PDCD6IP: variants seen among roughly 807,000 people sequenced by gnomAD.
PDCD6IP encodes the protein programmed cell death 6-interacting protein.
A neutral mutation model predicts 103.7 loss-of-function variants in PDCD6IP; 43 were observed. The observed-to-expected ratio is 0.41, with a 90% CI of 0.32 to 0.53. PDCD6IP has a LOEUF of 0.53. Ranked by LOEUF, PDCD6IP falls within the 20% of genes least tolerant of loss-of-function variation. The pLI is 0.16. For synonymous variants in PDCD6IP, 354 were observed against 378.7 expected (o/e 0.93, Z 0.76); for missense variants, 871 against 1,036.7 (o/e 0.84, Z 2.20).
chr3:33,837,133 T>C (rs1697367594), intron 8 of PDCD6IP, among the ~76,000 whole-genome samples: 1 of 152,190 alleles, frequency 6.6e-6, no homozygotes, highest in Admixed American at 6.5e-5. Flanking sequence ...TTGGTCAGGC[T>C]GGCCTGGAAC....
chr3:33,852,793 C>T, intron 13 of PDCD6IP, 57 bp downstream of exon 13: 1 of 1,508,044 alleles, frequency 6.6e-7, no homozygotes, highest in South Asian at 1.4e-5. Flanking sequence ...AAAGATATGT[C>T]TGGACTAAAC....
intron 14 of PDCD6IP, 184 bp from the exon 15 acceptor site, chr3:33,854,977 ATTTTC>A (rs1697795784): frequency 2.8e-6 from 1 of 352,752 alleles, no homozygotes; most frequent in Non-Finnish European, 5.2e-6. Context: ...TATTATTTTT[ATTTTC>A]TTTAGGAGTC....
In PDCD6IP at chr3:33,867,895, CTGT is replaced by C. The variant is rs1344060800; in HGVS notation, c.*1375_*1377del. On this transcript the variant is annotated 3_prime_UTR_variant, in exon 18 of 18. Coordinates refer to ENST00000307296, the MANE Select transcript of PDCD6IP (RefSeq NM_013374.6). ...TTTAATGATAGTGTTACTTGTCCCA[CTGT>C]TGTTTTCATTGAGTTTGGATTTATA... The C allele has an allele frequency of 6.6e-6, 1 of 152,132 alleles. No homozygotes were observed. The highest frequency in any genetic ancestry group is 6.5e-5 in the Admixed American group (1 of 15,274). The allele number at this position is 152,132 out of a possible 1,614,324, so 9.4% of individuals were successfully genotyped here. A position where few individuals can be genotyped will look rare whatever the true frequency, so the allele number is the denominator to read the frequency against.
rs181827441 is a variant in PDCD6IP at position 33,862,951 on chromosome 3, T to C, written c.2121-1055T>C. On this transcript the variant is annotated intron_variant, in intron 15 of 17. Transcript: ENST00000307296. ...GTGATCTCTGAAAATGTTTACTTTT[T>C]CCCCCAGTCTTCAGAAATATAAAAA... Among the ~76,000 whole-genome samples, 118 of 152,284 alleles carry C rather than the reference T, an allele frequency of 7.7e-4. 1 individual carries two copies. The highest frequency in any genetic ancestry group is 2.5e-3 in the African/African-American group (104 of 41,566).
intron 3 of PDCD6IP, among the ~76,000 whole-genome samples, chr3:33,820,571 A>G (rs1407181071): frequency 1.3e-5 from 2 of 152,098 alleles, no homozygotes; most frequent in African/African-American, 4.8e-5. Flanking sequence ...CCCTCCCCCT[A>G]CCACCATCCC....
At position 33,852,748 on chromosome 3, in the gene PDCD6IP, A is replaced by G. The variant is rs747126060; in HGVS notation, c.1890+12A>G. ...TTAAAAATATTCAGGTGAAATTTAT[A>G]TATTTAATAAGATCTGTGTTTTAAA... On this transcript the variant is annotated intron_variant, in intron 13 of 17. Coordinates refer to ENST00000307296, the MANE Select transcript of PDCD6IP (RefSeq NM_013374.6). 3.8e-6 allele frequency: 6 copies of G among 1,577,460 alleles called. No individual in the cohort carries two copies. The highest frequency in any genetic ancestry group is 3.9e-5 in the Admixed American group (2 of 51,422).
intron 2 of PDCD6IP, among the ~76,000 whole-genome samples, 182 bp downstream of exon 2, chr3:33,812,308 C>CTG (rs1696737629): frequency 6.6e-6 from 1 of 152,160 alleles, no homozygotes; most frequent in Admixed American, 6.5e-5. Context: ...TCATGTCATT[C>CTG]TTCAGTCACT....
At position 33,867,784 on chromosome 3, in the gene PDCD6IP, T is replaced by G. The variant is rs991035480; in HGVS notation, c.*1259T>G. 6.6e-6 allele frequency: 1 copy of G among 152,214 alleles called. No individual in the cohort carries two copies. The highest frequency in any genetic ancestry group is 1.5e-5 in the Non-Finnish European group (1 of 68,036). 9.4% of individuals were successfully genotyped at this position (152,214 alleles called of 1,614,324 possible). On this transcript the variant is annotated 3_prime_UTR_variant, in exon 18 of 18. Transcript: ENST00000307296. ...TTGTGAGGTTCATTTCTGAACACAT[T>G]AGGCATATGAGCAGATTTCCAGTGA...
Position 33,798,949 on chromosome 3 carries a change from G to T in PDCD6IP, c.209+12G>T, listed in dbSNP as rs1201355602. The T allele has an allele frequency of 2.0e-6, 3 of 1,518,966 alleles. No individual in the cohort carries two copies. Among genetic ancestry groups the T allele is most frequent in the Admixed American group, 4.0e-5 (2 of 49,508 alleles). The allele number at this position is 1,518,966 out of a possible 1,614,324, so 94.1% of individuals were successfully genotyped here. On this transcript the variant is annotated intron_variant, in intron 1 of 17. Transcript: ENST00000307296. ...GAGACGCTCCTGAGGTGGGCGCGGG[G>T]CTGGGAGTGGGTAGGTTGTCTGCCA...
chr3:33,802,515 G>T (rs1696498957), intron 1 of PDCD6IP, among the ~76,000 whole-genome samples: 1 of 149,100 alleles, frequency 6.7e-6, no homozygotes, highest in Admixed American at 6.7e-5. Context: ...TTGAGGTGGA[G>T]TTTTGCTCTT....
chr3:33,820,876 CTT>C (rs1185306304), intron 3 of PDCD6IP, among the ~76,000 whole-genome samples: 1 of 152,266 alleles, frequency 6.6e-6, no homozygotes, highest in South Asian at 2.1e-4. Flanking sequence ...ACGTATATCT[CTT>C]TGAGACTCTG....
At chr3:33,846,062 G>T (rs141938515) in intron 12 of PDCD6IP, among the ~76,000 whole-genome samples, 94 of 152,290 alleles carry the variant, frequency 6.2e-4, no homozygotes, top group Non-Finnish European at 9.3e-4. Flanking sequence ...CTGATGACAG[G>T]AAAGAGAAAA....
chr3:33,829,043 T>A, intron 7 of PDCD6IP, 74 bp downstream of exon 7: 1 of 1,315,680 alleles, frequency 7.6e-7, no homozygotes, highest in South Asian at 1.8e-5. Flanking sequence ...GATTTCCAAG[T>A]TTGCCCATAA....
In PDCD6IP at chr3:33,866,603, A is replaced by G; in HGVS notation, c.*78A>G. The G allele has an allele frequency of 8.3e-7, 1 of 1,197,782 alleles. No individual in the cohort carries two copies. Among genetic ancestry groups the G allele is most frequent in the East Asian group, 2.5e-5 (1 of 40,576 alleles). The allele number at this position is 1,197,782 out of a possible 1,614,324, so 74.2% of individuals were successfully genotyped here. A position where few individuals can be genotyped will look rare whatever the true frequency, so the allele number is the denominator to read the frequency against. On this transcript the variant is annotated 3_prime_UTR_variant, in exon 18 of 18. Transcript: ENST00000307296. ...CCCTGCAATAAGTGTACTAAACTCTACGCTCTGGTTAATGTAATGTACTCT... is the reference window on the plus strand; with the variant it reads ...CCCTGCAATAAGTGTACTAAACTCTGCGCTCTGGTTAATGTAATGTACTCT...
chr3:33,838,098 A>G, intron 8 of PDCD6IP, 106 bp from the exon 9 acceptor site: 1 of 980,700 alleles, frequency 1.0e-6, no homozygotes, highest in Non-Finnish European at 1.5e-6. Flanking sequence ...ATAGACAATA[A>G]ATATTTATAG....
At chr3:33,798,980 C>A (rs564649190) in intron 1 of PDCD6IP, 43 bp downstream of exon 1, 4 of 1,442,012 alleles carry the variant, frequency 2.8e-6, no homozygotes, top group South Asian at 1.3e-5. Context: ...TGCCAGCCGT[C>A]GCTCGCCGCT....
chr3:33,825,124 T>C, intron 4 of PDCD6IP, 63 bp from the exon 5 acceptor site: 1 of 1,384,074 alleles, frequency 7.2e-7, no homozygotes, highest in Non-Finnish European at 1.0e-6. Flanking sequence ...GACTTTTATA[T>C]GTAACAGTAG....
chr3:33,811,541 G>T (rs1252603250), intron 1 of PDCD6IP, among the ~76,000 whole-genome samples: 18 of 152,186 alleles, frequency 1.2e-4, no homozygotes, highest in Admixed American at 1.2e-3. Context: ...GATCATTCTG[G>T]CTGCTATGCA....
rs116051946 is a variant in PDCD6IP, at chr3:33,833,303, G to T, written c.835-2741G>T. ...CCTGATTTTTTTCTCAGGGGTCTTG[G>T]TTTGTTCAAATCAGGATCCACACAA... On this transcript the variant is annotated intron_variant, in intron 7 of 17. Coordinates refer to ENST00000307296, the MANE Select transcript of PDCD6IP (RefSeq NM_013374.6). Among the ~76,000 whole-genome samples the T allele has an allele frequency of 4.9e-3, 746 of 151,772 alleles. 9 individuals carry two copies. Among genetic ancestry groups the T allele is most frequent in the African/African-American group, 0.016 (679 of 41,396 alleles).
Sources: allele counts gnomAD v4.1 joint callset (sites outside exome capture counted in the v4.1 genomes callset), GRCh38; gene constraint gnomAD v4.1.1; transcripts MANE v1.5; gene names NCBI Gene and HGNC (gene_info 2026-07-23, HGNC 2026-07-21).